Variants in LINGO2 observed in about 807,000 individuals in gnomAD.
The protein encoded by LINGO2 is leucine rich repeat and Ig domain containing 2.
In LINGO2, 14 loss-of-function variants were observed where a neutral mutation model predicts 30.6. That is an observed-to-expected ratio of 0.46 (90% CI 0.30 to 0.72). The LOEUF is 0.72. Ranked by LOEUF, LINGO2 falls within the 30% of genes least tolerant of loss-of-function variation. LINGO2 has a pLI of 0.07. For missense variants in LINGO2, 729 were observed against 751.7 expected (o/e 0.97, Z 0.35); for synonymous variants, 317 against 288.5 (o/e 1.10, Z -1.00).
the LINGO2 span, among the ~76,000 whole-genome samples, chr9:29,107,178 T>C: frequency 3.3e-5 from 5 of 152,052 alleles, no homozygotes; most frequent in Non-Finnish European, 5.9e-5. Flanking sequence ...GAAAAAATAA[T>C]AAATCCTGCT....
intron 1 of LINGO2, among the ~76,000 whole-genome samples, chr9:28,555,568 A>C (rs1331513625): frequency 6.6e-6 from 1 of 152,116 alleles, no homozygotes; most frequent in Non-Finnish European, 1.5e-5. Context: ...TACCAGAGGT[A>C]CAAGGAGGAA....
the LINGO2 span, among the ~76,000 whole-genome samples, chr9:29,108,782 C>T: frequency 6.6e-6 from 1 of 152,140 alleles, no homozygotes; most frequent in Non-Finnish European, 1.5e-5. Flanking sequence ...TGTTAATTTA[C>T]TGAAGTGGGC....
At chr9:28,176,862 T>C (rs115738434) in intron 4 of LINGO2, among the ~76,000 whole-genome samples, 4,859 of 152,282 alleles carry the variant, frequency 0.032, 103 homozygotes, top group African/African-American at 0.043. Context: ...TCTCATACTG[T>C]TACTCAATCA....
chr9:28,634,460 C>A (rs77862333), intron 1 of LINGO2, among the ~76,000 whole-genome samples: 2 of 150,740 alleles, frequency 1.3e-5, no homozygotes, highest in African/African-American at 2.4e-5. Context: ...CCCCTCCCCC[C>A]ACACTTTCTT....
the LINGO2 span, among the ~76,000 whole-genome samples, chr9:28,768,189 C>T: frequency 0.87 from 131,947 of 152,228 alleles, 57,402 homozygotes; most frequent in East Asian, 0.95. Flanking sequence ...GATGTTTTCT[C>T]GTTGTTAGTT....
At position 28,038,617 on chromosome 9, in the gene LINGO2, C is replaced by T. The variant is rs547046554; in HGVS notation, c.-86-26212G>A. Among the ~76,000 whole-genome samples, 8 of 150,128 alleles carry T rather than the reference C, an allele frequency of 5.3e-5. No homozygotes were observed. The East Asian group carries it at 1.4e-3, about 26-fold the overall frequency. ...CTGAGGCAGGAGAATGGCGTGAACC[C>T]GGGAGGCGGAGCTTGCAGTGAGCCG... On this transcript the variant is annotated intron_variant, in intron 4 of 5. Transcript: ENST00000379992.
At chr9:28,054,666 TCAA>T (rs1824835863) in intron 4 of LINGO2, among the ~76,000 whole-genome samples, 1 of 152,136 alleles carries the variant, frequency 6.6e-6, no homozygotes, top group African/African-American at 2.4e-5. Context: ...TGTCTTTTGG[TCAA>T]CAGTTGCCTC....
the LINGO2 span, among the ~76,000 whole-genome samples, chr9:29,076,585 T>C: frequency 1.4e-5 from 2 of 147,060 alleles, no homozygotes; most frequent in Non-Finnish European, 3.0e-5. Context: ...ATATTACATA[T>C]ATATATATTA....
intron 5 of LINGO2, among the ~76,000 whole-genome samples, chr9:27,988,106 G>T (rs1051017946): frequency 7.9e-5 from 12 of 151,872 alleles, no homozygotes; most frequent in South Asian, 2.1e-4. Context: ...TGTGGTGTTT[G>T]TTTTTTTGTC....
intron 4 of LINGO2, among the ~76,000 whole-genome samples, chr9:28,053,808 AATG>A (rs1288145727): frequency 2.0e-5 from 3 of 152,102 alleles, no homozygotes; most frequent in African/African-American, 7.2e-5. Context: ...TATTCTCAGA[AATG>A]ATTACGTGTT....
intron 3 of LINGO2, among the ~76,000 whole-genome samples, chr9:28,332,191 T>C (rs1825445050): frequency 6.6e-6 from 1 of 152,076 alleles, no homozygotes; most frequent in Admixed American, 6.5e-5. Flanking sequence ...TTTTAGAATT[T>C]TTTTTTTCTA....
chr9:28,474,959 ATCATT>A (rs1307559292), intron 2 of LINGO2, among the ~76,000 whole-genome samples: 12 of 152,178 alleles, frequency 7.9e-5, no homozygotes, highest in Non-Finnish European at 1.5e-4. Flanking sequence ...TCTTCTTTTT[ATCATT>A]TCATTTTTTC....
chr9:28,761,427 A>G, the LINGO2 span, among the ~76,000 whole-genome samples: 7 of 151,730 alleles, frequency 4.6e-5, no homozygotes, highest in Admixed American at 1.3e-4. Context: ...TCTTGTCCTT[A>G]AAGAGCTTAA....
chr9:28,789,881 A>G, the LINGO2 span, among the ~76,000 whole-genome samples: 50 of 152,138 alleles, frequency 3.3e-4, no homozygotes, highest in African/African-American at 1.2e-3. Flanking sequence ...CAGTAATTAC[A>G]GTAGGTTTCT....
chr9:28,826,278 G>T, the LINGO2 span, among the ~76,000 whole-genome samples: 1 of 152,124 alleles, frequency 6.6e-6, no homozygotes, highest in Admixed American at 6.6e-5. Flanking sequence ...GTTACAGTAA[G>T]AAATTCTGTA....
chr9:28,075,190 T>C (rs1825588709), intron 4 of LINGO2, among the ~76,000 whole-genome samples: 1 of 151,996 alleles, frequency 6.6e-6, no homozygotes, highest in Non-Finnish European at 1.5e-5. Flanking sequence ...TTACATATTT[T>C]AAAATTCTGT....
In LINGO2 at chr9:27,959,779, A is replaced by G. The variant is rs139300519; in HGVS notation, c.-35-9073T>C. Among the ~76,000 whole-genome samples, 1,081 of 152,270 alleles carry G rather than the reference A, an allele frequency of 7.1e-3. 17 individuals carry two copies. The highest frequency in any genetic ancestry group is 0.025 in the African/African-American group (1,037 of 41,552). ...GTGAAGCAGTCTTTAAAAGTCATTAAGGCTAATGTGGTTGAATGTGTTGTT... is the reference window on the plus strand; with the variant it reads ...GTGAAGCAGTCTTTAAAAGTCATTAGGGCTAATGTGGTTGAATGTGTTGTT... On this transcript the variant is annotated intron_variant, in intron 5 of 5. Transcript: ENST00000379992.
intron 5 of LINGO2, among the ~76,000 whole-genome samples, chr9:27,997,353 C>T (rs546437851): frequency 1.3e-5 from 2 of 152,216 alleles, no homozygotes; most frequent in African/African-American, 4.8e-5. Flanking sequence ...ATTCATTTTG[C>T]GGTAAAATTC....
intron 4 of LINGO2, among the ~76,000 whole-genome samples, chr9:28,085,436 G>GA (rs1825881112): frequency 6.6e-6 from 1 of 152,020 alleles, no homozygotes; most frequent in Non-Finnish European, 1.5e-5. Flanking sequence ...TCTTTTCTGA[G>GA]GGCCTCTAGG....
Sources: gnomAD v4.1 joint callset for allele counts (sites outside exome capture counted in the v4.1 genomes callset) on GRCh38, gnomAD v4.1.1 for gene constraint, MANE v1.5 for transcripts, NCBI Gene and HGNC (gene_info 2026-07-23, HGNC 2026-07-21) for gene names.